Variants in CRAMP1 observed in about 807,000 individuals in gnomAD.
CRAMP1 encodes cramped chromatin regulator 1.
Under a neutral mutation model 115.4 loss-of-function variants are expected in CRAMP1, and 50 were observed. That is an observed-to-expected ratio of 0.43 (90% CI 0.35 to 0.55). The LOEUF is 0.55. Ranked by LOEUF, CRAMP1 falls within the 20% of genes least tolerant of loss-of-function variation. The probability of loss-of-function intolerance (pLI) is 0.01; values close to 1 mark genes in which losing one functional copy is unlikely to be tolerated. For missense variants in CRAMP1, 1,679 were observed against 1,721.7 expected (o/e 0.98, Z 0.44); for synonymous variants, 866 against 745.4 (o/e 1.16, Z -2.64).
chr16:1,661,459 C>T (rs1320950808), intron 11 of CRAMP1, among the ~76,000 whole-genome samples: 2 of 56,340 alleles, frequency 3.5e-5, no homozygotes, highest in South Asian at 8.8e-4. Context: ...TCCTGGGTGA[C>T]GGAGGGGGCC....
intron 2 of CRAMP1, among the ~76,000 whole-genome samples, chr16:1,615,218 G>A (rs550470483): frequency 6.6e-6 from 1 of 152,142 alleles, no homozygotes; most frequent in Non-Finnish European, 1.5e-5. Context: ...CTTTTTTGGG[G>A]GGGAGTCGAA....
Position 1,636,199 on chromosome 16 carries a change from C to T in CRAMP1, c.695-1625C>T, listed in dbSNP as rs528882663. On this transcript the variant is annotated intron_variant, in intron 4 of 20. Coordinates refer to ENST00000397412, the MANE Select transcript of CRAMP1 (RefSeq NM_020825.4). ...CAGCCTGACTAACGTGGTGAAACCCCGTCTCTACTAAAAATACAAACATTA... is the reference window on the plus strand; with the variant it reads ...CAGCCTGACTAACGTGGTGAAACCCTGTCTCTACTAAAAATACAAACATTA... Among the ~76,000 whole-genome samples the T allele has an allele frequency of 5.9e-5, 9 of 152,126 alleles. No individual in the cohort carries two copies. The South Asian group carries it at 8.3e-4, about 14-fold the overall frequency.
chr16:1,655,331 A>C, intron 9 of CRAMP1, 31 bp downstream of exon 9: 1 of 1,572,040 alleles, frequency 6.4e-7, no homozygotes, highest in Non-Finnish European at 8.8e-7. Context: ...CAAACCATCC[A>C]GGCTGCGCTG....
At chr16:1,653,786 A>G (rs1283003022) in intron 8 of CRAMP1, among the ~76,000 whole-genome samples, 1 of 137,392 alleles carries the variant, frequency 7.3e-6, no homozygotes, top group Non-Finnish European at 1.6e-5. Context: ...GCGCCACTGC[A>G]CTCCAGCCTG....
chr16:1,641,454 C>T (rs770080058), intron 6 of CRAMP1, among the ~76,000 whole-genome samples: 4 of 152,204 alleles, frequency 2.6e-5, no homozygotes, highest in South Asian at 4.1e-4. Flanking sequence ...GTGGTCTCGA[C>T]GCAGCACTCA....
rs576015689 is a variant in CRAMP1, at chr16:1,669,227, G to A, written c.3499+62G>A. On this transcript the variant is annotated intron_variant, in intron 19 of 20. Transcript: ENST00000397412. The surrounding 1 kb of genome is among the most constrained non-coding windows in gnomAD (Gnocchi z 4.6). ...GGGCAGCAGGGGCTGGGGTCTGCGG[G>A]ACACTGGATTCTCATTCTACTCAAA... 4.3e-5 allele frequency: 56 copies of A among 1,305,962 alleles called. No homozygotes were observed. The Admixed American group carries it at 1.3e-3, about 29-fold the overall frequency. The allele number at this position is 1,305,962 out of a possible 1,614,324, so 80.9% of individuals were successfully genotyped here.
rs1426041064 is a variant in CRAMP1 at position 1,671,822 on chromosome 16, C to T, written c.3645+1013C>T. On this transcript the variant is annotated intron_variant, in intron 20 of 20. Transcript: ENST00000397412. This position sits in a 1 kb window ranked among gnomAD's most constrained non-coding sequence, Gnocchi z 5.0. Reference sequence around the variant, plus strand: ...GAATCGTGACTCTTGAGATGATGAACTCATGGGCAGGCTTTGGAGAATTCC... The same window carrying T: ...GAATCGTGACTCTTGAGATGATGAATTCATGGGCAGGCTTTGGAGAATTCC... Among the ~76,000 whole-genome samples, 1 of 152,218 alleles carries T rather than the reference C, an allele frequency of 6.6e-6. No individual in the cohort carries two copies. The highest frequency in any genetic ancestry group is 2.4e-5 in the African/African-American group (1 of 41,456).
intron 3 of CRAMP1, 95 bp from the exon 4 acceptor site, chr16:1,632,117 T>C (rs1389588865): frequency 2.2e-6 from 3 of 1,353,458 alleles, no homozygotes; most frequent in East Asian, 5.1e-5. Flanking sequence ...GCCTGTCTCC[T>C]TTCTCCTTTC....
At chr16:1,651,305 T>C (rs1174611274) in intron 6 of CRAMP1, among the ~76,000 whole-genome samples, 3 of 148,040 alleles carry the variant, frequency 2.0e-5, no homozygotes, top group Admixed American at 6.7e-5. Context: ...ACACAGGTTA[T>C]GGAGAGGTCG....
chr16:1,644,136 T>A (rs1333737863), intron 6 of CRAMP1, among the ~76,000 whole-genome samples: 1 of 152,188 alleles, frequency 6.6e-6, no homozygotes, highest in Non-Finnish European at 1.5e-5. Flanking sequence ...CTGGACCGAG[T>A]GCTGGGTGAG....
chr16:1,620,828 A>G (rs1212520009), intron 2 of CRAMP1: 1 of 378,464 alleles, frequency 2.6e-6, no homozygotes, highest in East Asian at 7.6e-5. Context: ...TTCTGACGGC[A>G]CGGCATGGGA....
At chr16:1,628,750 G>T (rs2036526020) in intron 3 of CRAMP1, among the ~76,000 whole-genome samples, 1 of 152,186 alleles carries the variant, frequency 6.6e-6, no homozygotes, top group African/African-American at 2.4e-5. Flanking sequence ...CTGCCTTTTT[G>T]ATGCCTCCCT....
In CRAMP1 at chr16:1,656,658, A is replaced by G; in HGVS notation, c.1901A>G (p.Asp634Gly). 6.3e-7 allele frequency: 1 copy of G among 1,576,040 alleles called. No individual in the cohort carries two copies. ...GATGTTTGCACTAAAGACTTGGCAG[A>G]TGCACCTGCGGAGGAGCTCCAGGAG... The part of the protein sequence containing the change: ...LLDVCTKDLA[D>G]APAEELQEKG... The change falls in exon 10 of 21, where the codon GAT (aspartate) becomes GGT (glycine). Residue 634 changes from aspartate to glycine, a missense_variant. By Grantham distance (94) the Asp-to-Gly change is moderately conservative. Around this residue, in one of 8 missense-constraint regions of CRAMP1, gnomAD observed 405 missense variants for 302.6 expected, o/e 1.34. Transcript: ENST00000397412. This position sits in a 1 kb window ranked among gnomAD's most constrained non-coding sequence, Gnocchi z 5.6.
rs1167433808 is a variant in CRAMP1 at position 1,614,290 on chromosome 16, C to CG, written c.-1-348dup. Among the ~76,000 whole-genome samples, 2 of 140,070 alleles carry CG rather than the reference C, an allele frequency of 1.4e-5. No homozygotes were observed. The highest frequency in any genetic ancestry group is 1.4e-4 in the Admixed American group (2 of 14,360). The allele number at this position is 140,070 out of a possible 152,430, so 91.9% of individuals were successfully genotyped here. ...CCGCAACCGTGCCCAGACCCGCGCC[C>CG]GCGCCGGGGCTCCCATAGACCCCGG... is the stretch of plus-strand genomic sequence containing the variant. On this transcript the variant is annotated intron_variant, in intron 1 of 20. Coordinates refer to ENST00000397412, the MANE Select transcript of CRAMP1 (RefSeq NM_020825.4). This position sits in a 1 kb window ranked among gnomAD's most constrained non-coding sequence, Gnocchi z 4.4.
chr16:1,648,848 G>A (rs1275777038), intron 6 of CRAMP1, among the ~76,000 whole-genome samples: 1 of 152,116 alleles, frequency 6.6e-6, no homozygotes, highest in Non-Finnish European at 1.5e-5. Context: ...CACGAGGTCA[G>A]GAGATCGAGA....
intron 8 of CRAMP1, among the ~76,000 whole-genome samples, chr16:1,654,490 G>C (rs1049816266): frequency 8.5e-5 from 13 of 152,216 alleles, no homozygotes; most frequent in Admixed American, 3.3e-4. Flanking sequence ...GGGATTCCAG[G>C]CGTGTGCCGC....
Position 1,656,252 on chromosome 16 carries a change from G to C in CRAMP1, c.1495G>C (p.Ala499Pro), listed in dbSNP as rs1444685898. 2 of 1,610,048 alleles carry C rather than the reference G, an allele frequency of 1.2e-6. No individual in the cohort carries two copies. The highest frequency in any genetic ancestry group is 2.2e-5 in the East Asian group (1 of 44,854). Residue 499 changes from alanine (A) to proline (P), a missense_variant, in exon 10 of 21, where the codon GCT becomes CCT. Around this residue, in one of 8 missense-constraint regions of CRAMP1, gnomAD observed 405 missense variants for 302.6 expected, o/e 1.34. Transcript: ENST00000397412. This position sits in a 1 kb window ranked among gnomAD's most constrained non-coding sequence, Gnocchi z 5.6. ...SSPESAPGEG[A>P]ALSLSSPDAP... ...CCCCGAAAGCGCCCCCGGGGAGGGG[G>C]CTGCCCTAAGCTTGAGCAGCCCGGA...
chr16:1,657,096 G>A, intron 10 of CRAMP1, 104 bp downstream of exon 10: 1 of 1,074,572 alleles, frequency 9.3e-7, no homozygotes, highest in Non-Finnish European at 1.3e-6. Flanking sequence ...TTGGGGTCCA[G>A]ATGAGAGAGA....
intron 11 of CRAMP1, among the ~76,000 whole-genome samples, chr16:1,660,566 C>T (rs367641382): frequency 8.5e-5 from 13 of 152,308 alleles, no homozygotes; most frequent in African/African-American, 3.1e-4. Flanking sequence ...ATTCAGGGAT[C>T]ATAAATTGTG....
Sources: gnomAD v4.1 joint callset for allele counts (sites outside exome capture counted in the v4.1 genomes callset) on GRCh38, gnomAD v4.1.1 for gene constraint, gnomAD v4.1.1 regional missense constraint, Gnocchi (gnomAD v3.1) non-coding constraint, MANE v1.5 for transcripts, NCBI Gene and HGNC (gene_info 2026-07-23, HGNC 2026-07-21) for gene names.